The following PTDSS1 variants were observed in gnomAD, a reference collection of about 807,000 sequenced individuals.
The protein encoded by PTDSS1 is phosphatidylserine synthase 1, also known as PSS-1.
PTDSS1 carries 45 observed loss-of-function variants against 70.5 expected under a neutral mutation model. The observed-to-expected ratio is 0.64, with a 90% CI of 0.50 to 0.82. The LOEUF (loss-of-function observed/expected upper bound fraction) is 0.82, where lower values mean the gene tolerates loss of function less well. Among genes scored for constraint, PTDSS1 ranks in the 40% least tolerant of loss-of-function variants. The pLI is 0.00. For missense variants in PTDSS1, 417 were observed against 586.1 expected (o/e 0.71, Z 2.98); for synonymous variants, 188 against 203.8 (o/e 0.92, Z 0.66).
chr8:96,304,022 G>A lies in PTDSS1; in HGVS notation c.753-18G>A. On this transcript the variant is annotated intron_variant, in intron 6 of 12. Transcript: ENST00000517309. ...GCCTTATCTCTGGATTTTCACTGGA[G>A]CCATTCTCTTCTTACAGGGACATTC... 2 of 1,595,048 alleles carry A rather than the reference G, an allele frequency of 1.3e-6. No individual in the cohort carries two copies. Among genetic ancestry groups the A allele is most frequent in the Non-Finnish European group, 1.7e-6 (2 of 1,173,674 alleles).
At chr8:96,326,789 T>C (rs1010689868) in intron 10 of PTDSS1, among the ~76,000 whole-genome samples, 16 of 151,614 alleles carry the variant, frequency 1.1e-4, no homozygotes, top group African/African-American at 3.9e-4. Context: ...GGAAGATGGG[T>C]TGGGGGGAAG....
chr8:96,289,281 G>A (rs968730405), intron 4 of PTDSS1, among the ~76,000 whole-genome samples: 4 of 152,268 alleles, frequency 2.6e-5, no homozygotes, highest in African/African-American at 7.2e-5. Flanking sequence ...AGGATGGAAG[G>A]TGGGACTGAA....
At chr8:96,279,259 G>T (rs564453151) in intron 2 of PTDSS1, among the ~76,000 whole-genome samples, 1 of 151,980 alleles carries the variant, frequency 6.6e-6, no homozygotes, top group Non-Finnish European at 1.5e-5. Flanking sequence ...GGGATTACAG[G>T]CATGAGCCAG....
intron 9 of PTDSS1, among the ~76,000 whole-genome samples, chr8:96,316,560 G>GA (rs1029619919): frequency 2.7e-4 from 41 of 152,190 alleles, no homozygotes; most frequent in African/African-American, 9.9e-4. Context: ...GACTACTAGG[G>GA]AGGGAGGAAG....
At chr8:96,311,001 G>A (rs116387161) in intron 9 of PTDSS1, among the ~76,000 whole-genome samples, 2,189 of 151,968 alleles carry the variant, frequency 0.014, 52 homozygotes, top group African/African-American at 0.049. Context: ...CTTGAACCTC[G>A]TGATCCACCC....
intron 4 of PTDSS1, among the ~76,000 whole-genome samples, chr8:96,289,811 A>G (rs1810876349): frequency 6.6e-6 from 1 of 152,140 alleles, no homozygotes; most frequent in African/African-American, 2.4e-5. Context: ...TAAATTTTTT[A>G]AGGGATATGC....
At chr8:96,323,636 G>GCCTGTAACCGAAAACCATTCTGC (rs1471299035) in intron 10 of PTDSS1, among the ~76,000 whole-genome samples, 5 of 152,288 alleles carry the variant, frequency 3.3e-5, no homozygotes, top group African/African-American at 1.2e-4. Context: ...GGCTCCCCAG[G>GCCTGTAACCGAAAACCATTCTGC]CCTGTAACCG....
intron 10 of PTDSS1, among the ~76,000 whole-genome samples, chr8:96,328,201 G>T (rs1811465493): frequency 6.6e-6 from 1 of 152,136 alleles, no homozygotes; most frequent in African/African-American, 2.4e-5. Context: ...TGACAGTCTA[G>T]TTGAGGGACC....
At position 96,276,980 on chromosome 8, in the gene PTDSS1, G is replaced by GCACA. The variant is rs57116529; in HGVS notation, c.271+3620_271+3623dup. ...GGCACATACACGCGCGCACGCGCGCGCACACACACACACACACACACACAC... is the reference window on the plus strand; with the variant it reads ...GGCACATACACGCGCGCACGCGCGCGCACACACACACACACACACACACACACAC... On this transcript the variant is annotated intron_variant, in intron 2 of 12. Coordinates refer to ENST00000517309, the MANE Select transcript of PTDSS1 (RefSeq NM_014754.3). 4.4e-3 allele frequency among the ~76,000 whole-genome samples: 647 copies of GCACA among 145,998 alleles called. 1 individual carries two copies. The highest frequency in any genetic ancestry group is 5.5e-3 in the Non-Finnish European group (366 of 67,008).
intron 2 of PTDSS1, among the ~76,000 whole-genome samples, chr8:96,282,730 G>T (rs781099393): frequency 4.6e-5 from 7 of 152,158 alleles, no homozygotes; most frequent in Admixed American, 6.5e-5. Context: ...GATGATTTTA[G>T]AATGAATTCA....
At position 96,312,462 on chromosome 8, in the gene PTDSS1, CTT is replaced by C. The variant is rs1198340447; in HGVS notation, c.1073+2854_1073+2855del. 1.6e-3 allele frequency among the ~76,000 whole-genome samples: 228 copies of C among 138,528 alleles called. 1 individual carries two copies. The highest frequency in any genetic ancestry group is 5.6e-3 in the African/African-American group (211 of 37,654). The allele number at this position is 138,528 out of a possible 152,430, so 90.9% of individuals were successfully genotyped here. On this transcript the variant is annotated intron_variant, in intron 9 of 12. Coordinates refer to ENST00000517309, the MANE Select transcript of PTDSS1 (RefSeq NM_014754.3). ...TGACAGAGCAAGACCCTGTCTCTCT[CTT>C]TTTTTTTTTTTTTAAAAAAAAAAGG...
At chr8:96,283,398 C>T (rs951868516) in intron 2 of PTDSS1, among the ~76,000 whole-genome samples, 8 of 152,196 alleles carry the variant, frequency 5.3e-5, no homozygotes, top group East Asian at 1.9e-4. Flanking sequence ...TTTCTTCTCC[C>T]TCTTCTGCTT....
intron 6 of PTDSS1, among the ~76,000 whole-genome samples, chr8:96,302,782 A>G (rs1196602473): frequency 6.6e-6 from 1 of 152,036 alleles, no homozygotes; most frequent in Non-Finnish European, 1.5e-5. Flanking sequence ...GGGTTTCACC[A>G]TGTTGGCCAG....
chr8:96,320,371 G>A (rs368831664), intron 10 of PTDSS1, 26 bp downstream of exon 10: 1 of 1,546,386 alleles, frequency 6.5e-7, no homozygotes, highest in African/African-American at 1.4e-5. Context: ...TTACCCAAAG[G>A]CATTAGCTAA....
At chr8:96,282,309 T>G (rs975106180) in intron 2 of PTDSS1, among the ~76,000 whole-genome samples, 5 of 152,166 alleles carry the variant, frequency 3.3e-5, no homozygotes, top group African/African-American at 1.2e-4. Context: ...CCCAATGACT[T>G]GACAAAAGGT....
intron 5 of PTDSS1, among the ~76,000 whole-genome samples, chr8:96,297,337 C>A (rs752167437): frequency 6.6e-6 from 1 of 152,144 alleles, no homozygotes; most frequent in Non-Finnish European, 1.5e-5. Flanking sequence ...TGCCACCACA[C>A]CCAGCTAACT....
At position 96,262,093 on chromosome 8, in the gene PTDSS1, A is replaced by G. The variant is rs759201091; in HGVS notation, c.53A>G (p.Lys18Arg). ...CTAAGCAAGGATGATGTGAACTACA[A>G]AATGCATTTCCGGATGATCAACGAG... Reference protein sequence around the residue: ...RTLSKDDVNYKMHFRMINEQQ... With the variant: ...RTLSKDDVNYRMHFRMINEQQ... Residue 18 changes from lysine to arginine, a missense_variant, in exon 1 of 13, where the codon AAA (lysine) becomes AGA (arginine). This residue lies in a region of PTDSS1 where 38 missense variants were observed against 34.3 expected (regional missense o/e 1.11). Coordinates refer to ENST00000517309, the MANE Select transcript of PTDSS1 (RefSeq NM_014754.3). The surrounding 1 kb of genome is among the most constrained non-coding windows in gnomAD (Gnocchi z 4.4). 1.7e-5 allele frequency: 27 copies of G among 1,613,752 alleles called. 2 individuals carry two copies. The South Asian group carries it at 2.7e-4, about 16-fold the overall frequency.
intron 10 of PTDSS1, 43 bp downstream of exon 10, chr8:96,320,388 A>C: frequency 2.7e-6 from 4 of 1,494,812 alleles, no homozygotes; most frequent in Non-Finnish European, 3.7e-6. Flanking sequence ...CTAAACTCTC[A>C]TAGTATCACT....
At chr8:96,317,891 G>A (rs1401318099) in intron 9 of PTDSS1, among the ~76,000 whole-genome samples, 5 of 27,432 alleles carry the variant, frequency 1.8e-4, no homozygotes, top group African/African-American at 5.4e-4. Flanking sequence ...GTGTGTGTGT[G>A]TGTGTGTGTG....
Sources: gnomAD v4.1 joint callset for allele counts (sites outside exome capture counted in the v4.1 genomes callset) on GRCh38, gnomAD v4.1.1 for gene constraint, gnomAD v4.1.1 regional missense constraint, Gnocchi (gnomAD v3.1) non-coding constraint, MANE v1.5 for transcripts, NCBI Gene and HGNC (gene_info 2026-07-23, HGNC 2026-07-21) for gene names.